The following ADD3 variants were observed in gnomAD, a reference collection of about 807,000 sequenced individuals.
ADD3 encodes the protein gamma-adducin.
ADD3 carries 25 observed loss-of-function variants against 80.2 expected under a neutral mutation model. The ratio of observed to expected loss-of-function variants is 0.31; its 90% CI spans 0.23 to 0.44. The LOEUF (loss-of-function observed/expected upper bound fraction) is 0.44. ADD3 is among the 20% of genes least tolerant of loss of function. The pLI, the probability that ADD3 is intolerant of heterozygous loss-of-function variation, is 1.00. For synonymous variants in ADD3, 284 were observed against 289.6 expected (o/e 0.98, Z 0.20); for missense variants, 829 against 847.5 (o/e 0.98, Z 0.27).
chr10:110,032,417 C>T (rs1162928097), intron 1 of ADD3, among the ~76,000 whole-genome samples: 2 of 151,880 alleles, frequency 1.3e-5, no homozygotes, highest in African/African-American at 2.4e-5. Flanking sequence ...GTGGTGGTGA[C>T]TTTGGAAAGA....
At chr10:110,058,363 C>T (rs72828274) in intron 1 of ADD3, among the ~76,000 whole-genome samples, 3,072 of 152,196 alleles carry the variant, frequency 0.02, 36 homozygotes, top group Non-Finnish European at 0.028. Flanking sequence ...ACTGTGGAGC[C>T]GCCTGTGAAA....
chr10:110,040,249 G>A (rs1856140059), intron 1 of ADD3, among the ~76,000 whole-genome samples: 1 of 152,018 alleles, frequency 6.6e-6, no homozygotes, highest in Admixed American at 6.6e-5. Context: ...GTTTGAATGA[G>A]GTTTGGGTGA....
intron 5 of ADD3, 114 bp from the exon 6 acceptor site, chr10:110,118,473 A>C (rs1851060453): frequency 2.3e-6 from 2 of 859,218 alleles, no homozygotes; most frequent in Admixed American, 2.2e-5. Context: ...CAAAGTCCAA[A>C]ATATTTGCTA....
At chr10:110,126,164 G>A (rs72828291) in intron 11 of ADD3, among the ~76,000 whole-genome samples, 4 of 152,246 alleles carry the variant, frequency 2.6e-5, no homozygotes, top group Non-Finnish European at 5.9e-5. Context: ...ATTTTTCTGC[G>A]TTAGAGAACC....
chr10:110,081,131 T>G (rs1173305617), intron 1 of ADD3, among the ~76,000 whole-genome samples: 2 of 152,230 alleles, frequency 1.3e-5, no homozygotes, highest in Non-Finnish European at 2.9e-5. Context: ...GTGTGGTGGT[T>G]ACCTTAGTTT....
chr10:110,022,603 T>G (rs1049161875), intron 1 of ADD3, among the ~76,000 whole-genome samples: 1 of 152,182 alleles, frequency 6.6e-6, no homozygotes, highest in Non-Finnish European at 1.5e-5. Context: ...AGTCATAGCT[T>G]GATAAGTTTT....
At chr10:110,001,826 C>T (rs2133680063), upstream of ADD3, among the ~76,000 whole-genome samples, 1 of 152,236 alleles carries the variant, frequency 6.6e-6, no homozygotes, top group Non-Finnish European at 1.5e-5. Flanking sequence ...GAAATACTGT[C>T]ATAAGAAGTA....
intron 1 of ADD3, among the ~76,000 whole-genome samples, chr10:110,014,532 A>AT (rs750702076): frequency 1.1e-4 from 16 of 151,624 alleles, no homozygotes; most frequent in African/African-American, 3.1e-4. Flanking sequence ...TTTTATTTTT[A>AT]TTTTTTTTGA....
chr10:110,074,609 A>G (rs1324891931), intron 1 of ADD3, among the ~76,000 whole-genome samples: 1 of 151,894 alleles, frequency 6.6e-6, no homozygotes, highest in African/African-American at 2.4e-5. Context: ...AAGCTAAAAT[A>G]TGTTTTCAAT....
upstream of ADD3, among the ~76,000 whole-genome samples, chr10:110,003,040 T>C (rs1260797140): frequency 1.3e-5 from 2 of 152,230 alleles, no homozygotes; most frequent in African/African-American, 4.8e-5. Context: ...TCAAAATGTA[T>C]GCAGCATGGC....
rs964863166 is a variant in ADD3 at position 110,030,809 on chromosome 10, G to A, written c.-30+22510G>A. ...ACAGCTATTCCAGCTGACTTGGCTC[G>A]TCCAATTTGTATTACAGTGCTGTTT... On this transcript the variant is annotated intron_variant, in intron 1 of 14. Transcript: ENST00000356080. 8.0e-4 allele frequency among the ~76,000 whole-genome samples: 121 copies of A among 151,574 alleles called. 1 individual carries two copies. The highest frequency in any genetic ancestry group is 2.8e-3 in the African/African-American group (116 of 41,480).
chr10:110,089,735 G>GAT (rs906461097), intron 1 of ADD3, among the ~76,000 whole-genome samples: 36 of 150,994 alleles, frequency 2.4e-4, no homozygotes, highest in Admixed American at 2.2e-3. Context: ...TAATATATAT[G>GAT]ATATATATAT....
At chr10:110,081,987 A>G (rs1016595171) in intron 1 of ADD3, among the ~76,000 whole-genome samples, 1 of 152,204 alleles carries the variant, frequency 6.6e-6, no homozygotes, top group Non-Finnish European at 1.5e-5. Context: ...GACATTTTAA[A>G]CGAGAGAAGG....
chr10:110,074,385 G>A (rs557438258), intron 1 of ADD3, among the ~76,000 whole-genome samples: 1 of 152,260 alleles, frequency 6.6e-6, no homozygotes, highest in African/African-American at 2.4e-5. Flanking sequence ...TAGACAGTTT[G>A]TCTTCTCTTC....
At chr10:110,056,285 T>C (rs1233448884) in intron 1 of ADD3, among the ~76,000 whole-genome samples, 1 of 152,236 alleles carries the variant, frequency 6.6e-6, no homozygotes, top group African/African-American at 2.4e-5. Context: ...CTCACTTTCA[T>C]TTTGCATTTG....
At chr10:110,001,260 C>G (rs1272671285), upstream of ADD3, among the ~76,000 whole-genome samples, 1 of 151,748 alleles carries the variant, frequency 6.6e-6, no homozygotes, top group Non-Finnish European at 1.5e-5. Context: ...ACTAAAAACA[C>G]AAAAATTAGT....
chr10:110,062,603 A>G (rs888343839), intron 1 of ADD3, among the ~76,000 whole-genome samples: 4 of 152,138 alleles, frequency 2.6e-5, no homozygotes, highest in Non-Finnish European at 4.4e-5. Context: ...AATTAATACA[A>G]ACCTACCTTT....
chr10:110,119,269 A>T lies in ADD3; in HGVS notation c.776A>T (p.Asp259Val), dbSNP rs55763936. The T allele has an allele frequency of 1.9e-5, 30 of 1,614,042 alleles. 1 individual carries two copies. The South Asian group carries it at 3.1e-4, about 17-fold the overall frequency. The change falls in exon 7 of 15, where the codon GAT becomes GTT. Residue 259 changes from aspartate to valine, a missense_variant. Asp to Val is a radical substitution (Grantham distance 152). Coordinates refer to ENST00000356080, the MANE Select transcript of ADD3 (RefSeq NM_016824.5). ...PISQESLLLGDVAYYDYQGSL... is the reference protein window; with the variant it reads ...PISQESLLLGVVAYYDYQGSL... ...TCTCAAGAGTCTCTTCTTCTGGGAG[A>T]TGTTGCCTATTATGACTACCAAGGG...
intron 1 of ADD3, among the ~76,000 whole-genome samples, chr10:110,060,108 T>A (rs1386117135): frequency 6.6e-6 from 1 of 152,244 alleles, no homozygotes; most frequent in Non-Finnish European, 1.5e-5. Flanking sequence ...TGCGACTTCC[T>A]GTTCAGCTGA....
Sources: allele counts gnomAD v4.1 joint callset (sites outside exome capture counted in the v4.1 genomes callset), GRCh38; gene constraint gnomAD v4.1.1; transcripts MANE v1.5; gene names NCBI Gene and HGNC (gene_info 2026-07-23, HGNC 2026-07-21).